Variants in SLC7A2 observed in about 807,000 individuals in gnomAD.
The protein encoded by SLC7A2 is solute carrier family 7 member 2, also known as cationic amino acid transporter 2.
A neutral mutation model predicts 58.9 loss-of-function variants in SLC7A2; 48 were observed. That is an observed-to-expected ratio of 0.82 (90% CI 0.65 to 1.04). The LOEUF is 1.04. Ranked by LOEUF, SLC7A2 falls within the 50% of genes least tolerant of loss-of-function variation. The pLI, the probability that SLC7A2 is intolerant of heterozygous loss-of-function variation, is 0.00. For missense variants in SLC7A2, 1,029 were observed against 818.8 expected, an observed-to-expected ratio of 1.26 and a Z score of -3.13; for synonymous variants, 363 against 314.5, an observed-to-expected ratio of 1.15 and a Z score of -1.63.
intron 5 of SLC7A2, 100 bp downstream of exon 5, chr8:17,548,943 A>G (rs1412272352): frequency 2.1e-6 from 2 of 945,250 alleles, no homozygotes; most frequent in East Asian, 2.4e-5. Context: ...AGACATACCC[A>G]TGACTGGGTA....
At chr8:17,514,456 T>C (rs1800722310) in intron 2 of SLC7A2, among the ~76,000 whole-genome samples, 1 of 152,218 alleles carries the variant, frequency 6.6e-6, no homozygotes, top group South Asian at 2.1e-4. Flanking sequence ...ATGCAATATT[T>C]TCCCTTCTCA....
At position 17,568,936 on chromosome 8, in the gene SLC7A2, C is replaced by T. The variant is rs1043035139; in HGVS notation, c.*3790C>T. 2 of 152,022 alleles carry T rather than the reference C, an allele frequency of 1.3e-5. No individual in the cohort carries two copies. The highest frequency in any genetic ancestry group is 2.9e-5 in the Non-Finnish European group (2 of 68,016). The allele number at this position is 152,022 out of a possible 1,614,324, so 9.4% of individuals were successfully genotyped here. A position where few individuals can be genotyped will look rare whatever the true frequency, so the allele number is the denominator to read the frequency against. ...CTGAGATTACGCCACTGCACTCTAG[C>T]CTGGGCAACGGTGAGACCCTGCCTC... On this transcript the variant is annotated 3_prime_UTR_variant, in exon 13 of 13. Coordinates refer to ENST00000494857, the MANE Select transcript of SLC7A2 (RefSeq NM_001370338.1).
intron 7 of SLC7A2, among the ~76,000 whole-genome samples, chr8:17,553,344 C>G (rs1802539395): frequency 6.6e-6 from 1 of 152,170 alleles, no homozygotes; most frequent in African/African-American, 2.4e-5. Context: ...AGCCACCACA[C>G]CCGGCCTTGA....
intron 2 of SLC7A2, among the ~76,000 whole-genome samples, chr8:17,541,484 G>T (rs527861692): frequency 1.3e-5 from 2 of 152,196 alleles, no homozygotes; most frequent in Non-Finnish European, 2.9e-5. Context: ...AGATACTGAA[G>T]ATGTGTGAAA....
chr8:17,498,918 G>T (rs985229028), intron 1 of SLC7A2: 1 of 152,260 alleles, frequency 6.6e-6, no homozygotes, highest in Non-Finnish European at 1.5e-5. Context: ...TAAAAAGCCT[G>T]ATCTTGCGCT....
Position 17,519,702 on chromosome 8 carries a change from C to T in SLC7A2, c.-23+17400C>T, listed in dbSNP as rs528266136. Among the ~76,000 whole-genome samples, 3 of 152,316 alleles carry T rather than the reference C, an allele frequency of 2.0e-5. No individual in the cohort carries two copies. The East Asian group carries it at 5.8e-4, about 29-fold the overall frequency. ...CTAACTTTTCTCCATGCCATATCAT[C>T]ATCTCCTTTGTTTACTTCAGGGTCA... is the stretch of plus-strand genomic sequence containing the variant. On this transcript the variant is annotated intron_variant, in intron 2 of 12. Coordinates refer to ENST00000494857, the MANE Select transcript of SLC7A2 (RefSeq NM_001370338.1).
chr8:17,513,829 T>G (rs1800697678), intron 2 of SLC7A2, among the ~76,000 whole-genome samples: 1 of 152,184 alleles, frequency 6.6e-6, no homozygotes, highest in African/African-American at 2.4e-5. Flanking sequence ...TTTCGTTCAT[T>G]CTCAGATTAA....
intron 2 of SLC7A2, among the ~76,000 whole-genome samples, chr8:17,507,854 G>A (rs1454710658): frequency 2.0e-5 from 3 of 152,072 alleles, no homozygotes; most frequent in Non-Finnish European, 4.4e-5. Flanking sequence ...GAGTGGAAAA[G>A]GAAGTTTTTA....
At chr8:17,556,686 G>A (rs1218324722) in intron 8 of SLC7A2, among the ~76,000 whole-genome samples, 2 of 151,686 alleles carry the variant, frequency 1.3e-5, no homozygotes, top group African/African-American at 4.8e-5. Context: ...TTGGCTCGTT[G>A]CAACCTCCAC....
intron 2 of SLC7A2, among the ~76,000 whole-genome samples, chr8:17,507,731 C>A (rs998009819): frequency 6.6e-6 from 1 of 151,906 alleles, no homozygotes; most frequent in Non-Finnish European, 1.5e-5. Context: ...GTTAATTTAA[C>A]AATAACATGT....
chr8:17,504,557 A>C (rs1417029896), intron 2 of SLC7A2, among the ~76,000 whole-genome samples: 1 of 152,160 alleles, frequency 6.6e-6, no homozygotes, highest in Admixed American at 6.6e-5. Flanking sequence ...CGGTTTATCA[A>C]TTGTATTTCT....
intron 8 of SLC7A2, among the ~76,000 whole-genome samples, chr8:17,555,733 T>C (rs1432466141): frequency 6.6e-6 from 1 of 152,164 alleles, no homozygotes; most frequent in Non-Finnish European, 1.5e-5. Flanking sequence ...ACTTAAATTA[T>C]GTTCAGAAAA....
chr8:17,547,671 C>A (rs1309766011), intron 4 of SLC7A2, among the ~76,000 whole-genome samples: 1 of 151,950 alleles, frequency 6.6e-6, no homozygotes, highest in Non-Finnish European at 1.5e-5. Context: ...TTGTAACAAA[C>A]AAAGAGTGAT....
intron 2 of SLC7A2, chr8:17,538,687 A>G: frequency 1.1e-6 from 1 of 932,850 alleles, no homozygotes; most frequent in South Asian, 1.7e-5. Context: ...TTGGGTTTGG[A>G]CATTGCAAAA....
intron 2 of SLC7A2, among the ~76,000 whole-genome samples, chr8:17,522,121 G>A (rs1000274336): frequency 1.3e-5 from 2 of 152,176 alleles, no homozygotes; most frequent in African/African-American, 4.8e-5. Flanking sequence ...TTTTAAAAAA[G>A]TTTAATGGAC....
At chr8:17,540,032 C>T (rs1440400351) in intron 2 of SLC7A2, among the ~76,000 whole-genome samples, 3 of 151,978 alleles carry the variant, frequency 2.0e-5, no homozygotes, top group African/African-American at 4.8e-5. Flanking sequence ...TTTTCTCATT[C>T]TCTTGTTGCC....
intron 2 of SLC7A2, among the ~76,000 whole-genome samples, chr8:17,539,621 CA>C (rs1165695025): frequency 6.6e-6 from 1 of 152,166 alleles, no homozygotes; most frequent in Admixed American, 6.5e-5. Flanking sequence ...AGGCCAAGGA[CA>C]GGGGTGTGAG....
At chr8:17,548,398 A>G (rs952338592) in intron 4 of SLC7A2, among the ~76,000 whole-genome samples, 3 of 152,210 alleles carry the variant, frequency 2.0e-5, no homozygotes, top group East Asian at 1.9e-4. Context: ...TACTTTACCT[A>G]TCACTGGCAA....
At chr8:17,495,799 C>G (rs937349269), upstream of SLC7A2, among the ~76,000 whole-genome samples, 3 of 152,218 alleles carry the variant, frequency 2.0e-5, no homozygotes, top group African/African-American at 7.2e-5. Flanking sequence ...ATCGGCGCGC[C>G]TCGGCGTCCC....
Sources: gnomAD v4.1 joint callset for allele counts (sites outside exome capture counted in the v4.1 genomes callset) on GRCh38, gnomAD v4.1.1 for gene constraint, MANE v1.5 for transcripts, NCBI Gene and HGNC (gene_info 2026-07-23, HGNC 2026-07-21) for gene names.